ITGA9: variants seen among roughly 807,000 people sequenced by gnomAD.
ITGA9 encodes integrin alpha-9.
In ITGA9, 56 loss-of-function variants were observed where a neutral mutation model predicts 127.8. The observed-to-expected ratio is 0.44, with a 90% confidence interval of 0.35 to 0.55. The LOEUF is 0.55. ITGA9 is among the 20% of genes least tolerant of loss of function. The probability of loss-of-function intolerance (pLI) is 0.00; values close to 1 mark genes in which losing one functional copy is unlikely to be tolerated. For missense variants in ITGA9, 1,196 were observed against 1,347.1 expected, an observed-to-expected ratio of 0.89 and a Z score of 1.76; for synonymous variants, 508 against 514.5, an observed-to-expected ratio of 0.99 and a Z score of 0.17.
intron 14 of ITGA9, among the ~76,000 whole-genome samples, chr3:37,538,009 T>G (rs1322787362): frequency 6.6e-6 from 1 of 152,148 alleles, no homozygotes; most frequent in African/African-American, 2.4e-5. Context: ...GGACGGTGCT[T>G]GTACCTACTC....
At chr3:37,577,913 A>G (rs570883839) in intron 15 of ITGA9, among the ~76,000 whole-genome samples, 1 of 152,334 alleles carries the variant, frequency 6.6e-6, no homozygotes, top group African/African-American at 2.4e-5. Context: ...CTTCAGTATT[A>G]TCTCATGCTG....
chr3:37,781,065 A>AT (rs1429633369), intron 25 of ITGA9, among the ~76,000 whole-genome samples: 1 of 152,230 alleles, frequency 6.6e-6, no homozygotes, highest in African/African-American at 2.4e-5. Context: ...CGGCATCTTC[A>AT]TTTTTAACAC....
chr3:37,467,849 A>G (rs1698387849), intron 1 of ITGA9, among the ~76,000 whole-genome samples: 1 of 152,172 alleles, frequency 6.6e-6, no homozygotes, highest in South Asian at 2.1e-4. Flanking sequence ...TAGACAGGGC[A>G]AACTGCTAAT....
intron 6 of ITGA9, among the ~76,000 whole-genome samples, chr3:37,504,894 G>A (rs545434119): frequency 2.0e-5 from 3 of 152,312 alleles, no homozygotes; most frequent in Non-Finnish European, 4.4e-5. Flanking sequence ...GTGATGACAA[G>A]TTTGGGGATT....
chr3:37,769,338 CA>C (rs35133772), intron 23 of ITGA9, among the ~76,000 whole-genome samples: 76,433 of 114,274 alleles, frequency 0.67, 25,110 homozygotes, highest in Middle Eastern at 0.83. Flanking sequence ...AACTCTGTCT[CA>C]AAAAAAAAAA....
intron 8 of ITGA9, among the ~76,000 whole-genome samples, chr3:37,510,191 G>T (rs1442794234): frequency 6.6e-6 from 1 of 151,814 alleles, no homozygotes; most frequent in Non-Finnish European, 1.5e-5. Flanking sequence ...TTTTTGTAGA[G>T]ATGGGGTTTC....
chr3:37,489,911 G>A (rs1050269521), intron 4 of ITGA9, among the ~76,000 whole-genome samples: 3 of 152,188 alleles, frequency 2.0e-5, no homozygotes, highest in African/African-American at 7.2e-5. Flanking sequence ...AATGGTGAGA[G>A]CACACCTGGA....
At chr3:37,496,171 T>G (rs1698726001) in intron 5 of ITGA9, among the ~76,000 whole-genome samples, 1 of 152,186 alleles carries the variant, frequency 6.6e-6, no homozygotes, top group Admixed American at 6.5e-5. Flanking sequence ...GGCAATATAG[T>G]GTCTGATCCA....
At chr3:37,723,040 G>A (rs558842211) in intron 18 of ITGA9, among the ~76,000 whole-genome samples, 4 of 152,240 alleles carry the variant, frequency 2.6e-5, no homozygotes, top group African/African-American at 9.6e-5. Context: ...TCTCTTTGTG[G>A]TTTTGATTTA....
Position 37,523,563 on chromosome 3 carries a change from G to A in ITGA9, c.1279G>A (p.Gly427Ser). ...QKINPVLRMF[G>S]QSISGGIDMD... ...GATAAATCCAGTGCTCCGGATGTTT[G>A]GTCAGTCCATATCGGGAGGCATTGA... The change falls in exon 12 of 28, where the codon GGT becomes AGT. Residue 427 changes from glycine (G) to serine (S), a missense_variant. Gly to Ser is a moderately conservative substitution (Grantham distance 56). Transcript: ENST00000264741. The A allele has an allele frequency of 1.2e-6, 2 of 1,613,964 alleles. No individual in the cohort carries two copies. The highest frequency in any genetic ancestry group is 1.7e-6 in the Non-Finnish European group (2 of 1,179,954).
chr3:37,742,665 C>G (rs563367569), intron 21 of ITGA9, among the ~76,000 whole-genome samples: 2 of 152,180 alleles, frequency 1.3e-5, no homozygotes, highest in Non-Finnish European at 2.9e-5. Flanking sequence ...TTCACAGTTT[C>G]TAATTTTTCG....
intron 18 of ITGA9, among the ~76,000 whole-genome samples, chr3:37,696,570 A>G (rs1700887391): frequency 6.6e-6 from 1 of 152,160 alleles, no homozygotes; most frequent in African/African-American, 2.4e-5. Flanking sequence ...ACCATTTGGT[A>G]TATATAATTT....
intron 25 of ITGA9, among the ~76,000 whole-genome samples, chr3:37,782,632 G>A (rs1233171046): frequency 6.6e-6 from 1 of 152,192 alleles, no homozygotes; most frequent in East Asian, 1.9e-4. Context: ...CAGTTGCCCT[G>A]AAGCCAGCTA....
In ITGA9 at chr3:37,618,555, C is replaced by G. The variant is rs151161132; in HGVS notation, c.1690-10632C>G. On this transcript the variant is annotated intron_variant, in intron 15 of 27. Transcript: ENST00000264741. ...CTTTTGTTTGGCTATCCCCTACCCC[C>G]AGAGGTGGAGTCTACAGAGGCAGGC... Among the ~76,000 whole-genome samples the G allele has an allele frequency of 4.0e-4, 61 of 152,364 alleles. 1 individual carries two copies. In the East Asian group the frequency reaches 8.9e-3, roughly 22 times the overall value.
chr3:37,673,083 C>T (rs1374524427), intron 17 of ITGA9, among the ~76,000 whole-genome samples: 2 of 152,064 alleles, frequency 1.3e-5, no homozygotes, highest in Non-Finnish European at 2.9e-5. Context: ...CTGCAGGAAT[C>T]GAAAACAATA....
At chr3:37,650,070 C>T (rs1255732504) in intron 16 of ITGA9, among the ~76,000 whole-genome samples, 1 of 152,150 alleles carries the variant, frequency 6.6e-6, no homozygotes, top group Non-Finnish European at 1.5e-5. Flanking sequence ...CTCACGTAGC[C>T]TGCAAGTTGA....
In ITGA9 at chr3:37,733,011, G is replaced by A. The variant is rs551936892; in HGVS notation, c.2154+213G>A. The A allele has an allele frequency of 3.8e-5, 22 of 571,488 alleles. No homozygotes were observed. In the East Asian group the frequency reaches 5.3e-4, roughly 14 times the overall value. The allele number at this position is 571,488 out of a possible 1,614,324, so 35.4% of individuals were successfully genotyped here. On this transcript the variant is annotated intron_variant, in intron 19 of 27. Transcript: ENST00000264741. ...GCTGCATCATATGGTCTTTCTCTTC[G>A]ATTCACATGATGTACCCCAAATGTG...
chr3:37,549,428 G>T (rs1326823832), intron 15 of ITGA9, among the ~76,000 whole-genome samples: 1 of 152,198 alleles, frequency 6.6e-6, no homozygotes, highest in Non-Finnish European at 1.5e-5. Flanking sequence ...CACTTCAGTG[G>T]TTATCGTAAG....
chr3:37,747,498 T>G (rs1317932348), intron 22 of ITGA9, among the ~76,000 whole-genome samples: 1 of 152,122 alleles, frequency 6.6e-6, no homozygotes, highest in Non-Finnish European at 1.5e-5. Flanking sequence ...TTCTTTCAAT[T>G]TTTTTAATCC....
Sources: gnomAD v4.1 joint callset for allele counts (sites outside exome capture counted in the v4.1 genomes callset) on GRCh38, gnomAD v4.1.1 for gene constraint, MANE v1.5 for transcripts, NCBI Gene and HGNC (gene_info 2026-07-23, HGNC 2026-07-21) for gene names.